GLIS3: variants seen among roughly 807,000 people sequenced by gnomAD.
GLIS3 encodes zinc finger protein GLIS3.
GLIS3 carries 53 observed loss-of-function variants against 78.6 expected under a neutral mutation model. That is an observed-to-expected ratio of 0.67 (90% confidence interval 0.54 to 0.85). The LOEUF (loss-of-function observed/expected upper bound fraction) is 0.85, where lower values mean the gene tolerates loss of function less well. Ranked by LOEUF, GLIS3 falls within the 40% of genes least tolerant of loss-of-function variation. The pLI is 0.00. For missense variants in GLIS3, 1,703 were observed against 1,231.1 expected (o/e 1.38, Z -5.74); for synonymous variants, 684 against 509.9 (o/e 1.34, Z -4.60).
At chr9:4,210,912 C>A (rs374945732) in intron 2 of GLIS3, among the ~76,000 whole-genome samples, 1 of 152,224 alleles carries the variant, frequency 6.6e-6, no homozygotes, top group African/African-American at 2.4e-5. Flanking sequence ...CCTCCCTTAT[C>A]TAGGAAGCTT....
intron 6 of GLIS3, among the ~76,000 whole-genome samples, chr9:3,913,590 T>C (rs934124536): frequency 1.3e-5 from 2 of 152,226 alleles, no homozygotes; most frequent in Non-Finnish European, 2.9e-5. Flanking sequence ...CTCTGGACTC[T>C]ACGTATCTAC....
At chr9:3,905,164 C>G (rs675693) in intron 6 of GLIS3, among the ~76,000 whole-genome samples, 128,638 of 133,346 alleles carry the variant, frequency 0.96, 61,998 homozygotes, top group Middle Eastern at 0.99. Context: ...TTTTTTTTTG[C>G]TATTTTTAGT....
chr9:4,489,683 C>T, the GLIS3 span, among the ~76,000 whole-genome samples: 4 of 152,316 alleles, frequency 2.6e-5, no homozygotes, highest in Middle Eastern at 0.01. Context: ...GATGGACCGC[C>T]CACTTTCTCC....
chr9:4,482,427 G>A, the GLIS3 span, among the ~76,000 whole-genome samples: 3 of 152,150 alleles, frequency 2.0e-5, no homozygotes, highest in African/African-American at 4.8e-5. Context: ...ATTGGAAGAT[G>A]AAGAGACTGT....
chr9:3,898,697 A>T lies in GLIS3; in HGVS notation c.2122T>A (p.Tyr708Asn). 6.2e-7 allele frequency: 1 copy of T among 1,614,156 alleles called. No individual in the cohort carries two copies. The highest frequency in any genetic ancestry group is 2.2e-5 in the East Asian group (1 of 44,870). ...GRSPGPGPDL[Y>N]SAPIFSSNYS... ...CTGCCTTTGCTGTCTTTACCTGAAT[A>T]GAGGTCAGGCCCGGGTCCAGGGGAG... is the stretch of plus-strand genomic sequence containing the variant. The change falls in exon 7 of 11, where the codon TAT becomes AAT. Residue 708 changes from tyrosine to asparagine, a missense_variant. Transcript: ENST00000381971.
chr9:4,007,307 C>G (rs1226563185), intron 4 of GLIS3, among the ~76,000 whole-genome samples: 1 of 152,058 alleles, frequency 6.6e-6, no homozygotes, highest in Non-Finnish European at 1.5e-5. Flanking sequence ...GAGATCTGAG[C>G]TTTTACCCCA....
intron 2 of GLIS3, among the ~76,000 whole-genome samples, chr9:4,159,261 A>C (rs1289860066): frequency 6.6e-6 from 1 of 152,214 alleles, no homozygotes; most frequent in Non-Finnish European, 1.5e-5. Flanking sequence ...CCAGGGTCAT[A>C]TGTGAAACAC....
At position 4,099,673 on chromosome 9, in the gene GLIS3, C is replaced by T. The variant is rs557321737; in HGVS notation, c.1710+18095G>A. Among the ~76,000 whole-genome samples, 73 of 152,226 alleles carry T rather than the reference C, an allele frequency of 4.8e-4. 1 individual carries two copies. In the South Asian group the frequency reaches 0.013, roughly 28 times the overall value. ...CATAACAAAGTCCTGCTCCAAAATG[C>T]GGTTTGACTCTCTCTAAGTCCCTTC... On this transcript the variant is annotated intron_variant, in intron 4 of 10. Transcript: ENST00000381971.
chr9:4,135,415 T>C (rs1342068770), intron 2 of GLIS3, among the ~76,000 whole-genome samples: 2 of 152,162 alleles, frequency 1.3e-5, no homozygotes. Context: ...TGAGTATGTA[T>C]GTTCTAATTC....
chr9:4,387,577 G>A, the GLIS3 span, among the ~76,000 whole-genome samples: 3 of 152,252 alleles, frequency 2.0e-5, no homozygotes, highest in South Asian at 6.2e-4. Flanking sequence ...ATGACTATTG[G>A]GAGGATAATA....
chr9:3,866,412 G>T (rs1410662076), intron 8 of GLIS3, among the ~76,000 whole-genome samples: 1 of 152,212 alleles, frequency 6.6e-6, no homozygotes, highest in African/African-American at 2.4e-5. Flanking sequence ...AGTGAGCCGA[G>T]ATCACGCCAC....
chr9:4,414,702 T>C, the GLIS3 span, among the ~76,000 whole-genome samples: 1 of 152,144 alleles, frequency 6.6e-6, no homozygotes, highest in Non-Finnish European at 1.5e-5. Context: ...TGTGCACCTC[T>C]TTGAAAATTC....
chr9:4,379,129 G>A, the GLIS3 span, among the ~76,000 whole-genome samples: 1 of 152,158 alleles, frequency 6.6e-6, no homozygotes, highest in East Asian at 1.9e-4. Context: ...CTGTAGGAAG[G>A]CGGATATGTT....
At chr9:4,075,574 T>TCAAAA (rs903094255) in intron 4 of GLIS3, among the ~76,000 whole-genome samples, 12 of 152,012 alleles carry the variant, frequency 7.9e-5, no homozygotes, top group East Asian at 1.9e-4. Flanking sequence ...AGACTCCGTC[T>TCAAAA]CAAAACAAAA....
At chr9:3,873,517 G>A (rs1821098927) in intron 8 of GLIS3, among the ~76,000 whole-genome samples, 1 of 152,162 alleles carries the variant, frequency 6.6e-6, no homozygotes, top group East Asian at 1.9e-4. Flanking sequence ...TCTGGTAACA[G>A]AATAAGGTGA....
intron 9 of GLIS3, among the ~76,000 whole-genome samples, chr9:3,847,043 G>T (rs1033263272): frequency 2.0e-4 from 31 of 152,226 alleles, no homozygotes; most frequent in African/African-American, 7.5e-4. Flanking sequence ...AATTAGCCAG[G>T]TGCAGTGGCA....
chr9:3,850,902 CA>C (rs1449713108), intron 9 of GLIS3, among the ~76,000 whole-genome samples: 3 of 152,238 alleles, frequency 2.0e-5, no homozygotes, highest in Non-Finnish European at 4.4e-5. Context: ...TATTTATCTT[CA>C]AAACCCTCTT....
At chr9:4,314,080 G>A (rs375562979) in intron 2 of GLIS3, among the ~76,000 whole-genome samples, 6 of 152,192 alleles carry the variant, frequency 3.9e-5, no homozygotes, top group Admixed American at 1.3e-4. Context: ...GTGACCCGGG[G>A]CAAGTAACTT....
At chr9:4,432,737 C>T in the GLIS3 span, among the ~76,000 whole-genome samples, 1 of 150,604 alleles carries the variant, frequency 6.6e-6, no homozygotes, top group Non-Finnish European at 1.5e-5. Context: ...GCCCCCTGCG[C>T]TCAAGTGATT....
Sources: allele counts gnomAD v4.1 joint callset (sites outside exome capture counted in the v4.1 genomes callset), GRCh38; gene constraint gnomAD v4.1.1; transcripts MANE v1.5; gene names NCBI Gene and HGNC (gene_info 2026-07-23, HGNC 2026-07-21).